RAPH1: variants seen among roughly 807,000 people sequenced by gnomAD.
RAPH1 encodes the protein ras-associated and pleckstrin homology domains-containing protein 1.
A neutral mutation model predicts 88.1 loss-of-function variants in RAPH1; 18 were observed. The observed-to-expected ratio is 0.20, with a 90% CI of 0.14 to 0.30. RAPH1 has a LOEUF of 0.30. Among genes scored for constraint, RAPH1 ranks in the 10% least tolerant of loss-of-function variants. The pLI is 1.00. For missense variants in RAPH1, 1,448 were observed against 1,543.2 expected, an observed-to-expected ratio of 0.94 and a Z score of 1.03; for synonymous variants, 587 against 559.0, an observed-to-expected ratio of 1.05 and a Z score of -0.71.
intron 1 of RAPH1, among the ~76,000 whole-genome samples, chr2:203,513,678 T>C (rs1188033092): frequency 6.8e-6 from 1 of 147,324 alleles, no homozygotes; most frequent in African/African-American, 2.5e-5. Flanking sequence ...CTACTAAAAA[T>C]ACAAAAATTA....
intron 4 of RAPH1, 84 bp from the exon 5 acceptor site, chr2:203,462,009 A>C: frequency 9.2e-7 from 1 of 1,082,040 alleles, no homozygotes; most frequent in Non-Finnish European, 1.3e-6. Context: ...GGATGCTCCC[A>C]GCAATAAATT....
chr2:203,470,799 T>C (rs1487193754), intron 4 of RAPH1, among the ~76,000 whole-genome samples: 3 of 152,252 alleles, frequency 2.0e-5, no homozygotes, highest in East Asian at 1.9e-4. Context: ...AATTCAATGA[T>C]AGCTGCACCA....
At chr2:203,519,339 AC>A (rs1303489178) in intron 1 of RAPH1, among the ~76,000 whole-genome samples, 2 of 152,238 alleles carry the variant, frequency 1.3e-5, no homozygotes, top group African/African-American at 4.8e-5. Flanking sequence ...GGCTAGCTTA[AC>A]ATTTGAAAAT....
intron 4 of RAPH1, among the ~76,000 whole-genome samples, chr2:203,481,509 TA>T (rs1444312919): frequency 6.6e-6 from 1 of 151,678 alleles, no homozygotes. Context: ...GGTAAATCTG[TA>T]AATGTTTTTA....
chr2:203,502,665 C>T (rs574234785), intron 1 of RAPH1, among the ~76,000 whole-genome samples: 1 of 150,092 alleles, frequency 6.7e-6, no homozygotes, highest in African/African-American at 2.5e-5. Flanking sequence ...ACTAAAAATA[C>T]AAAAATTAGC....
At chr2:203,455,190 A>T (rs7587487) in intron 9 of RAPH1, among the ~76,000 whole-genome samples, 5 of 152,226 alleles carry the variant, frequency 3.3e-5, no homozygotes, top group African/African-American at 1.2e-4. Flanking sequence ...AGTCCCCAAA[A>T]AACAACAAAT....
At position 203,435,599 on chromosome 2, in the gene RAPH1, A is replaced by G. The variant is rs960951280; in HGVS notation, c.*3838T>C. On this transcript the variant is annotated 3_prime_UTR_variant, in exon 14 of 14. Transcript: ENST00000319170. ...AAACAGTCACCCTCTCGTCAAGTGTATGACCCAATTATACCTATTTTATGA... is the reference window on the plus strand; with the variant it reads ...AAACAGTCACCCTCTCGTCAAGTGTGTGACCCAATTATACCTATTTTATGA... The G allele has an allele frequency of 3.9e-5, 6 of 152,162 alleles. No individual in the cohort carries two copies. The highest frequency in any genetic ancestry group is 1.4e-4 in the African/African-American group (6 of 41,450). The allele number at this position is 152,162 out of a possible 1,614,324, so 9.4% of individuals were successfully genotyped here.
At chr2:203,470,313 G>T in intron 4 of RAPH1, 1 of 1,602,360 alleles carries the variant, frequency 6.2e-7, no homozygotes, top group East Asian at 2.2e-5. Flanking sequence ...AGATAGGAGT[G>T]CTTGTTCAGA....
intron 1 of RAPH1, among the ~76,000 whole-genome samples, chr2:203,529,422 C>T (rs1032148513): frequency 6.6e-6 from 1 of 152,108 alleles, no homozygotes; most frequent in East Asian, 1.9e-4. Flanking sequence ...AGTGCAATGG[C>T]GCCATCTCGG....
chr2:203,449,638 A>G (rs1458115286), intron 10 of RAPH1, among the ~76,000 whole-genome samples: 1 of 152,218 alleles, frequency 6.6e-6, no homozygotes, highest in Non-Finnish European at 1.5e-5. Flanking sequence ...GTAATGACTT[A>G]TGAACACCAC....
chr2:203,496,223 T>C (rs985854150), intron 1 of RAPH1, among the ~76,000 whole-genome samples: 1 of 152,094 alleles, frequency 6.6e-6, no homozygotes, highest in African/African-American at 2.4e-5. Context: ...CAGGGCGTGG[T>C]GGTGCATGTC....
chr2:203,440,409 A>C lies in RAPH1; in HGVS notation c.2781T>G (p.Phe927Leu). ...GGACAGGTGATGGGGGTGGAGGAGGAAACACCAGGCTGCTTTCAGGAGGGG... is the reference window on the plus strand; with the variant it reads ...GGACAGGTGATGGGGGTGGAGGAGGCAACACCAGGCTGCTTTCAGGAGGGG... Reference protein sequence around the residue: ...PPPPPESSLVFPPPPPSPVPA... With the variant: ...PPPPPESSLVLPPPPPSPVPA... The change falls in exon 14 of 14, where the codon TTT becomes TTG. Residue 927 changes from phenylalanine (F) to leucine (L), a missense_variant. This residue lies in a region of RAPH1 where 935 missense variants were observed against 890.1 expected (regional missense o/e 1.05). Coordinates refer to ENST00000319170, the MANE Select transcript of RAPH1 (RefSeq NM_213589.3). The C allele has an allele frequency of 6.4e-7, 1 of 1,561,794 alleles. No individual in the cohort carries two copies. Among genetic ancestry groups the C allele is most frequent in the Non-Finnish European group, 8.7e-7 (1 of 1,153,840 alleles).
At chr2:203,523,450 C>A (rs936250234) in intron 1 of RAPH1, among the ~76,000 whole-genome samples, 41 of 147,738 alleles carry the variant, frequency 2.8e-4, no homozygotes, top group African/African-American at 9.9e-4. Flanking sequence ...GTGTTTTTAA[C>A]AAATGACACT....
intron 13 of RAPH1, 183 bp downstream of exon 13, chr2:203,444,685 G>A: frequency 2.2e-6 from 1 of 457,772 alleles, no homozygotes; most frequent in Non-Finnish European, 3.8e-6. Flanking sequence ...ATTTCCAAGG[G>A]GAAGTCAAAT....
At chr2:203,500,067 A>G (rs1394430744) in intron 1 of RAPH1, among the ~76,000 whole-genome samples, 2 of 152,214 alleles carry the variant, frequency 1.3e-5, no homozygotes, top group Non-Finnish European at 2.9e-5. Context: ...ATTTCATTGA[A>G]CATTCACCAT....
chr2:203,513,274 T>A lies in RAPH1; in HGVS notation c.1-17921A>T, dbSNP rs568318566. Among the ~76,000 whole-genome samples the A allele has an allele frequency of 2.0e-5, 3 of 151,966 alleles. No homozygotes were observed. In the East Asian group the frequency reaches 5.8e-4, roughly 29 times the overall value. The stretch of plus-strand genomic sequence containing the variant: ...CCTCCACTCCTCCAACCCCATTCTA[T>A]TTTTGTCTGAATTTCTACTATTTAA... On this transcript the variant is annotated intron_variant, in intron 1 of 13. Transcript: ENST00000319170.
In RAPH1 at chr2:203,452,981, G is replaced by A. The variant is rs148027568; in HGVS notation, c.1413+1449C>T. The stretch of plus-strand genomic sequence containing the variant: ...ATAGACAAACACACATTACACTAGC[G>A]TGAAGATACCATCACATGTCATATA... On this transcript the variant is annotated intron_variant, in intron 10 of 13. Transcript: ENST00000319170. Among the ~76,000 whole-genome samples the A allele has an allele frequency of 3.5e-4, 53 of 152,130 alleles. 1 individual carries two copies. Among genetic ancestry groups the A allele is most frequent in the Middle Eastern group, 3.4e-3 (1 of 292 alleles).
intron 4 of RAPH1, among the ~76,000 whole-genome samples, chr2:203,474,569 T>C (rs2098535749): frequency 6.6e-6 from 1 of 152,192 alleles, no homozygotes; most frequent in Non-Finnish European, 1.5e-5. Flanking sequence ...GTTCTGAGCT[T>C]ACAAACAGCT....
At chr2:203,454,589 A>G (rs778838019) in intron 9 of RAPH1, 49 bp from the exon 10 acceptor site, 3 of 1,335,254 alleles carry the variant, frequency 2.2e-6, no homozygotes, top group Non-Finnish European at 3.2e-6. Context: ...TGCACAAACA[A>G]GCAAATATAC....
Sources: allele counts gnomAD v4.1 joint callset (sites outside exome capture counted in the v4.1 genomes callset), GRCh38; gene constraint gnomAD v4.1.1; regional missense constraint gnomAD v4.1.1; transcripts MANE v1.5; gene names NCBI Gene and HGNC (gene_info 2026-07-23, HGNC 2026-07-21).